COG5: variants seen among roughly 807,000 people sequenced by gnomAD.
The protein encoded by COG5 is component of oligomeric golgi complex 5.
In COG5, 86 loss-of-function variants were observed where a neutral mutation model predicts 110.4. The observed-to-expected ratio is 0.78, with a 90% CI of 0.65 to 0.93. COG5 has a LOEUF of 0.93. Among genes scored for constraint, COG5 ranks in the 40% least tolerant of loss-of-function variants. The pLI is 0.00. For missense variants in COG5, 1,077 were observed against 987.0 expected (o/e 1.09, Z -1.22); for synonymous variants, 360 against 334.6 (o/e 1.08, Z -0.83).
rs76348690 is a variant in COG5 at position 107,265,753 on chromosome 7, G to A, written c.1576-7370C>T. Among the ~76,000 whole-genome samples, 808 of 152,158 alleles carry A rather than the reference G, an allele frequency of 5.3e-3. 10 individuals are homozygous for A. Among genetic ancestry groups the A allele is most frequent in the African/African-American group, 0.019 (786 of 41,526 alleles). ...CAATTAAATTATCAAAGATCCTTCA[G>A]GCTAAATATAGTTTGTATAGGCTGG... On this transcript the variant is annotated intron_variant, in intron 14 of 21. Transcript: ENST00000297135.
intron 6 of COG5, among the ~76,000 whole-genome samples, chr7:107,444,696 A>C (rs1794905648): frequency 6.6e-6 from 1 of 152,210 alleles, no homozygotes; most frequent in East Asian, 1.9e-4. Context: ...AACTCTAAAG[A>C]GCAAGGACTA....
intron 14 of COG5, among the ~76,000 whole-genome samples, chr7:107,270,661 A>G: frequency 6.6e-6 from 1 of 151,870 alleles, no homozygotes; most frequent in Non-Finnish European, 1.5e-5. Flanking sequence ...TTACTCCTTC[A>G]TTTTCTCCAA....
intron 11 of COG5, among the ~76,000 whole-genome samples, chr7:107,318,038 C>CT (rs1260803807): frequency 4.0e-5 from 6 of 151,310 alleles, no homozygotes; most frequent in Non-Finnish European, 5.9e-5. Flanking sequence ...TTCTTTCTTT[C>CT]TTTTTTTTGA....
At chr7:107,461,037 T>C (rs763777721) in intron 6 of COG5, among the ~76,000 whole-genome samples, 51 of 152,154 alleles carry the variant, frequency 3.4e-4, no homozygotes, top group Non-Finnish European at 5.6e-4. Context: ...GGACTAACTC[T>C]GATCTTACAA....
intron 14 of COG5, among the ~76,000 whole-genome samples, chr7:107,266,095 T>A (rs1010126469): frequency 3.9e-5 from 6 of 151,966 alleles, no homozygotes; most frequent in South Asian, 2.1e-4. Context: ...CACGTGTGTG[T>A]GAGAGAGTTT....
chr7:107,495,978 C>T (rs985121529), intron 6 of COG5, among the ~76,000 whole-genome samples: 1 of 149,924 alleles, frequency 6.7e-6, no homozygotes, highest in Non-Finnish European at 1.5e-5. Context: ...GACAAGGTCT[C>T]GCTATTCTGC....
chr7:107,543,080 A>G (rs988343997), intron 5 of COG5, among the ~76,000 whole-genome samples: 2 of 152,200 alleles, frequency 1.3e-5, no homozygotes, highest in Non-Finnish European at 2.9e-5. Context: ...AATCAATGTG[A>G]TATGTTTATG....
intron 17 of COG5, among the ~76,000 whole-genome samples, chr7:107,248,072 CA>C (rs1802183380): frequency 6.6e-6 from 1 of 152,048 alleles, no homozygotes; most frequent in Non-Finnish European, 1.5e-5. Flanking sequence ...GGAGATGGTA[CA>C]AACTACCAAA....
intron 7 of COG5, among the ~76,000 whole-genome samples, chr7:107,392,756 C>T (rs370820923): frequency 6.6e-6 from 1 of 151,714 alleles, no homozygotes; most frequent in Non-Finnish European, 1.5e-5. Flanking sequence ...AAAGTCACTA[C>T]CATGTCCTTT....
chr7:107,353,361 C>A, intron 10 of COG5, among the ~76,000 whole-genome samples: 1 of 136,636 alleles, frequency 7.3e-6, no homozygotes, highest in East Asian at 2.2e-4. Flanking sequence ...GGAGGCGGAG[C>A]TTGCAGTGAG....
chr7:107,539,183 G>C (rs544915446), intron 5 of COG5, among the ~76,000 whole-genome samples: 5 of 152,168 alleles, frequency 3.3e-5, no homozygotes, highest in African/African-American at 1.2e-4. Context: ...AGCTACTCAA[G>C]AGGCTGCACT....
At chr7:107,517,988 G>A (rs909393191) in intron 6 of COG5, among the ~76,000 whole-genome samples, 5 of 152,068 alleles carry the variant, frequency 3.3e-5, no homozygotes, top group South Asian at 2.1e-4. Flanking sequence ...GAGTCACTGC[G>A]CCTGGCCTCA....
At position 107,203,290 on chromosome 7, in the gene COG5, A is replaced by G. The variant is rs1310848714; in HGVS notation, c.*226T>C. The G allele has an allele frequency of 1.4e-5, 8 of 560,576 alleles. No homozygotes were observed. Among genetic ancestry groups the G allele is most frequent in the South Asian group, 8.2e-5 (4 of 48,576 alleles). The allele number at this position is 560,576 out of a possible 1,614,324, so 34.7% of individuals were successfully genotyped here. A position where few individuals can be genotyped will look rare whatever the true frequency, so the allele number is the denominator to read the frequency against. ...GTACAAAAATCTGAAAGAGGAAAAC[A>G]TCTTTCTGGAAAAATCAGGTCCATG... On this transcript the variant is annotated 3_prime_UTR_variant, in exon 22 of 22. Coordinates refer to ENST00000297135, the MANE Select transcript of COG5 (RefSeq NM_006348.5).
chr7:107,493,244 C>T (rs1289290873), intron 6 of COG5, among the ~76,000 whole-genome samples: 1 of 152,118 alleles, frequency 6.6e-6, no homozygotes, highest in Non-Finnish European at 1.5e-5. Flanking sequence ...ACTTTCTTGC[C>T]TCCAGAACTG....
At chr7:107,244,979 C>T (rs567847822) in intron 17 of COG5, among the ~76,000 whole-genome samples, 35 of 152,224 alleles carry the variant, frequency 2.3e-4, no homozygotes, top group African/African-American at 5.8e-4. Context: ...GATACCAAAA[C>T]TTGGCAGAGA....
rs1365542248 is a variant in COG5, at chr7:107,474,606, C to T, written c.538+52631G>A. Reference sequence around the variant, plus strand: ...TTCCTTTTATTGAGGTAAATTTTTTCAGTCTTCAAAGTGGAAATACCTGGG... The same window carrying T: ...TTCCTTTTATTGAGGTAAATTTTTTTAGTCTTCAAAGTGGAAATACCTGGG... On this transcript the variant is annotated intron_variant, in intron 6 of 21. Transcript: ENST00000297135. The surrounding 1 kb of genome is among the most constrained non-coding windows in gnomAD (Gnocchi z 5.7). 6.2e-7 allele frequency: 1 copy of T among 1,609,690 alleles called. No homozygotes were observed. The highest frequency in any genetic ancestry group is 8.5e-7 in the Non-Finnish European group (1 of 1,178,150).
At chr7:107,334,130 C>T (rs1271522877) in intron 10 of COG5, among the ~76,000 whole-genome samples, 1 of 152,052 alleles carries the variant, frequency 6.6e-6, no homozygotes, top group East Asian at 1.9e-4. Context: ...TACTGCAGCA[C>T]TGGTCAAGCT....
chr7:107,392,075 A>G (rs911440284), intron 7 of COG5, among the ~76,000 whole-genome samples: 3 of 152,178 alleles, frequency 2.0e-5, no homozygotes, highest in Non-Finnish European at 2.9e-5. Context: ...TGGGCAGCAC[A>G]GCGAGACTCA....
chr7:107,245,945 C>A (rs571635841), intron 17 of COG5, among the ~76,000 whole-genome samples: 1 of 152,308 alleles, frequency 6.6e-6, no homozygotes, highest in Non-Finnish European at 1.5e-5. Context: ...GGAGACATCA[C>A]GTTACCTGAC....
Sources: allele counts gnomAD v4.1 joint callset (sites outside exome capture counted in the v4.1 genomes callset), GRCh38; gene constraint gnomAD v4.1.1; non-coding constraint Gnocchi (gnomAD v3.1); transcripts MANE v1.5; gene names NCBI Gene and HGNC (gene_info 2026-07-23, HGNC 2026-07-21).